SORCS2: variants seen among roughly 807,000 people sequenced by gnomAD.
SORCS2 encodes VPS10 domain-containing receptor SorCS2.
In SORCS2, 100 loss-of-function variants were observed where a neutral mutation model predicts 141.6. The ratio of observed to expected loss-of-function variants is 0.71; its 90% CI spans 0.60 to 0.83. SORCS2 has a LOEUF of 0.83. Ranked by LOEUF, SORCS2 falls within the 40% of genes least tolerant of loss-of-function variation. SORCS2 has a pLI of 0.00. For synonymous variants in SORCS2, 789 were observed against 676.9 expected, an observed-to-expected ratio of 1.17 and a Z score of -2.57; for missense variants, 1,646 against 1,560.2, an observed-to-expected ratio of 1.05 and a Z score of -0.93.
intron 3 of SORCS2, among the ~76,000 whole-genome samples, chr4:7,611,003 C>T (rs906652202): frequency 1.4e-4 from 22 of 152,204 alleles, no homozygotes; most frequent in Non-Finnish European, 1.5e-5. Flanking sequence ...TGCAGACACA[C>T]AGACACTGAG....
At chr4:7,292,247 C>A (rs1170922016) in intron 1 of SORCS2, among the ~76,000 whole-genome samples, 7 of 151,988 alleles carry the variant, frequency 4.6e-5, no homozygotes, top group African/African-American at 1.7e-4. Flanking sequence ...CAAGGAGGCT[C>A]CCCCGCATTC....
At chr4:7,454,518 C>CTG (rs1728731481) in intron 2 of SORCS2, among the ~76,000 whole-genome samples, 3 of 112,142 alleles carry the variant, frequency 2.7e-5, no homozygotes, top group Admixed American at 9.4e-5. Context: ...GGGTCAGATG[C>CTG]TGTGTTGGGG....
At position 7,565,720 on chromosome 4, in the gene SORCS2, TGTGATG is replaced by T. The variant is rs575984633; in HGVS notation, c.648+34098_648+34103del. On this transcript the variant is annotated intron_variant, in intron 3 of 26. Transcript: ENST00000507866. Reference sequence around the variant, plus strand: ...ATGATGATGACGGTGGTGATGGTGCTGTGATGGTGATGATGATGATGATGTGAAAGT... The same window carrying T: ...ATGATGATGACGGTGGTGATGGTGCTGTGATGATGATGATGATGTGAAAGT... Among the ~76,000 whole-genome samples the T allele has an allele frequency of 1.8e-3, 275 of 151,020 alleles. 1 individual carries two copies. The highest frequency in any genetic ancestry group is 6.3e-3 in the African/African-American group (257 of 41,066).
intron 24 of SORCS2, 49 bp from the exon 25 acceptor site, chr4:7,734,223 G>A: frequency 1.4e-6 from 2 of 1,408,720 alleles, no homozygotes; most frequent in Non-Finnish European, 1.9e-6. Context: ...GGATGGGACA[G>A]GGATGGGCGG....
intron 3 of SORCS2, among the ~76,000 whole-genome samples, chr4:7,602,001 T>G (rs1717726907): frequency 6.6e-6 from 1 of 152,170 alleles, no homozygotes; most frequent in African/African-American, 2.4e-5. Flanking sequence ...GGCCATAGAT[T>G]AACAGCATCC....
chr4:7,544,554 C>T (rs1039148448), intron 3 of SORCS2, among the ~76,000 whole-genome samples: 1 of 152,254 alleles, frequency 6.6e-6, no homozygotes, highest in Admixed American at 6.5e-5. Flanking sequence ...CCTGCCATTG[C>T]AGATTCCAGG....
chr4:7,439,919 G>A (rs950414074), intron 2 of SORCS2, among the ~76,000 whole-genome samples: 8 of 152,134 alleles, frequency 5.3e-5, no homozygotes, highest in Non-Finnish European at 8.8e-5. Context: ...AGGTGGGTAT[G>A]TGCTGAGCAG....
At chr4:7,405,866 A>G (rs574327145) in intron 2 of SORCS2, among the ~76,000 whole-genome samples, 3 of 152,248 alleles carry the variant, frequency 2.0e-5, no homozygotes, top group South Asian at 4.1e-4. Context: ...CAAGACTTCC[A>G]GTACCATGTT....
chr4:7,641,395 G>A (rs533605585), intron 4 of SORCS2, among the ~76,000 whole-genome samples: 9 of 152,150 alleles, frequency 5.9e-5, no homozygotes, highest in Non-Finnish European at 1.2e-4. Flanking sequence ...GATCTCATGA[G>A]AACTCACTCA....
chr4:7,684,484 C>A (rs1015892270), intron 10 of SORCS2, among the ~76,000 whole-genome samples: 1 of 152,132 alleles, frequency 6.6e-6, no homozygotes, highest in Non-Finnish European at 1.5e-5. Context: ...AAACCCTACC[C>A]ACATGTTCCT....
In SORCS2 at chr4:7,322,163, A is replaced by ATG. The variant is rs566955357; in HGVS notation, c.481-74122_481-74121dup. ...TGCTGCTTGACCAGAGGGGGCCGGG[A>ATG]TGTGGGCCAAGCCCCACCCCCACAT... On this transcript the variant is annotated intron_variant, in intron 1 of 26. Coordinates refer to ENST00000507866, the MANE Select transcript of SORCS2 (RefSeq NM_020777.3). Among the ~76,000 whole-genome samples the ATG allele has an allele frequency of 7.9e-5, 12 of 152,262 alleles. No individual in the cohort carries two copies. The South Asian group carries it at 2.3e-3, about 29-fold the overall frequency.
At chr4:7,494,868 G>A (rs571286015) in intron 2 of SORCS2, among the ~76,000 whole-genome samples, 40 of 152,326 alleles carry the variant, frequency 2.6e-4, no homozygotes, top group African/African-American at 3.6e-4. Context: ...GCTCCGGCTC[G>A]TCTCTGCCGC....
intron 3 of SORCS2, among the ~76,000 whole-genome samples, chr4:7,618,513 A>T (rs1297417106): frequency 6.6e-6 from 1 of 151,478 alleles, no homozygotes. Context: ...CCGGGCCCGC[A>T]CTCTGCCTGC....
intron 5 of SORCS2, among the ~76,000 whole-genome samples, chr4:7,656,948 G>A (rs535063868): frequency 2.6e-5 from 4 of 152,334 alleles, no homozygotes; most frequent in South Asian, 2.1e-4. Context: ...GCCTGCCCCC[G>A]GCCAGCTCAC....
At chr4:7,337,081 G>A (rs746641491) in intron 1 of SORCS2, among the ~76,000 whole-genome samples, 4 of 152,262 alleles carry the variant, frequency 2.6e-5, no homozygotes, top group Non-Finnish European at 5.9e-5. Context: ...CCAGTTCTCC[G>A]TGTCAGAGTC....
intron 1 of SORCS2, among the ~76,000 whole-genome samples, chr4:7,388,544 TC>T (rs1490081539): frequency 3.3e-5 from 5 of 152,184 alleles, no homozygotes; most frequent in African/African-American, 1.2e-4. Flanking sequence ...CCTCCTGTTA[TC>T]CCTCCCCGCT....
chr4:7,621,551 GTGTT>G (rs371681649), intron 3 of SORCS2, among the ~76,000 whole-genome samples: 26 of 152,012 alleles, frequency 1.7e-4, no homozygotes, highest in East Asian at 5.8e-4. Context: ...GTGTGTGTGT[GTGTT>G]TGTGTGTCTG....
chr4:7,697,052 G>T, intron 11 of SORCS2, 146 bp from the exon 12 acceptor site: 1 of 652,420 alleles, frequency 1.5e-6, no homozygotes, highest in South Asian at 1.9e-5. Flanking sequence ...CAGGGCCCCA[G>T]CGCAGCAGCC....
intron 3 of SORCS2, among the ~76,000 whole-genome samples, chr4:7,546,912 A>G (rs1045795699): frequency 1.3e-5 from 2 of 152,204 alleles, no homozygotes; most frequent in Admixed American, 6.5e-5. Flanking sequence ...AGCCCGAAAG[A>G]TCATTGCCTG....
Sources: gnomAD v4.1 joint callset for allele counts (sites outside exome capture counted in the v4.1 genomes callset) on GRCh38, gnomAD v4.1.1 for gene constraint, MANE v1.5 for transcripts, NCBI Gene and HGNC (gene_info 2026-07-23, HGNC 2026-07-21) for gene names.